Variants in SLC25A25 observed in about 807,000 individuals in gnomAD.
SLC25A25 encodes solute carrier family 25 member 25, also known as mitochondrial adenyl nucleotide antiporter SLC25A25.
Under a neutral mutation model 57.7 loss-of-function variants are expected in SLC25A25, and 32 were observed. That is an observed-to-expected ratio of 0.55 (90% CI 0.42 to 0.74). The LOEUF (loss-of-function observed/expected upper bound fraction) is 0.74, where lower values mean the gene tolerates loss of function less well. Ranked by LOEUF, SLC25A25 falls within the 30% of genes least tolerant of loss-of-function variation. SLC25A25 has a pLI of 0.00. For missense variants in SLC25A25, 556 were observed against 701.3 expected, an observed-to-expected ratio of 0.79 and a Z score of 2.34; for synonymous variants, 306 against 291.2, an observed-to-expected ratio of 1.05 and a Z score of -0.52.
intron 1 of SLC25A25, chr9:128,092,123 G>A: frequency 6.3e-7 from 1 of 1,597,958 alleles, no homozygotes; most frequent in South Asian, 1.1e-5. Flanking sequence ...TCCTAGTTTA[G>A]GGCCTGGTCT....
In SLC25A25 at chr9:128,103,804, A is replaced by C. The variant is rs1465132483; in HGVS notation, c.748A>C (p.Thr250Pro). Reference sequence around the variant, plus strand: ...GGCAGGGGCCGTATCCAGAACCTGCACGGCCCCCCTGGACAGGCTCAAGGT... The same window carrying C: ...GGCAGGGGCCGTATCCAGAACCTGCCCGGCCCCCCTGGACAGGCTCAAGGT... Reference protein sequence around the residue: ...GGAGAVSRTCTAPLDRLKVLM... With the variant: ...GGAGAVSRTCPAPLDRLKVLM... Residue 250 changes from threonine (T) to proline (P), a missense_variant, in exon 6 of 11, where the codon ACG (threonine) becomes CCG (proline). By Grantham distance (38) the Thr-to-Pro change is conservative. Transcript: ENST00000373069. The surrounding 1 kb of genome is among the most constrained non-coding windows in gnomAD (Gnocchi z 6.7). The C allele has an allele frequency of 6.2e-7, 1 of 1,612,010 alleles. No homozygotes were observed. The highest frequency in any genetic ancestry group is 1.1e-5 in the South Asian group (1 of 90,856).
In SLC25A25 at chr9:128,068,277, G is replaced by A; in HGVS notation, c.-43G>A. ...CCCGCGCGGTCACCGCCGGCCCGCC[G>A]CCCCCGCTCCCGCCCGCGCCCGGAG... On this transcript the variant is annotated 5_prime_UTR_variant, in exon 1 of 11. Transcript: ENST00000373069. 2.5e-6 allele frequency: 3 copies of A among 1,190,632 alleles called. No individual in the cohort carries two copies. The highest frequency in any genetic ancestry group is 2.1e-6 in the Non-Finnish European group (2 of 938,754). 73.8% of individuals were successfully genotyped at this position (1,190,632 alleles called of 1,614,324 possible). A position where few individuals can be genotyped will look rare whatever the true frequency, so the allele number is the denominator to read the frequency against.
chr9:128,105,760 T>C lies in SLC25A25; in HGVS notation c.815T>C (p.Ile272Thr), dbSNP rs753817818. 1 of 1,613,806 alleles carries C rather than the reference T, an allele frequency of 6.2e-7. No individual in the cohort carries two copies. Among genetic ancestry groups the C allele is most frequent in the Non-Finnish European group, 8.5e-7 (1 of 1,180,046 alleles). The change falls in exon 7 of 11, where the codon ATC (isoleucine) becomes ACC (threonine). Residue 272 changes from isoleucine (I) to threonine (T), a missense_variant. Around this residue, in one of 3 missense-constraint regions of SLC25A25, gnomAD observed 294 missense variants for 389.6 expected, o/e 0.75. Transcript: ENST00000373069. Reference protein sequence around the residue: ...VHASRSNNMGIVGGFTQMIRE... With the variant: ...VHASRSNNMGTVGGFTQMIRE... ...GCCTCCCGCAGCAACAACATGGGCA[T>C]CGTTGGTGGCTTCACTCAGATGATT...
chr9:128,073,793 GGC>G, intron 1 of SLC25A25, among the ~76,000 whole-genome samples: 1 of 151,306 alleles, frequency 6.6e-6, no homozygotes, highest in East Asian at 1.9e-4. Context: ...GGAGTGCAGT[GGC>G]GTGATCTCAG....
At position 128,107,572 on chromosome 9, in the gene SLC25A25, A is replaced by C; in HGVS notation, c.*128A>C. On this transcript the variant is annotated 3_prime_UTR_variant, in exon 11 of 11. Transcript: ENST00000373069. ...GCCAAGCTGTGAAAACCCTAGACGC[A>C]CCCGCAGGGAGGGTGGGGAGAGCTG... 8.8e-7 allele frequency: 1 copy of C among 1,134,602 alleles called. No homozygotes were observed. Among genetic ancestry groups the C allele is most frequent in the Middle Eastern group, 3.1e-4 (1 of 3,236 alleles). 70.3% of individuals were successfully genotyped at this position (1,134,602 alleles called of 1,614,324 possible).
At position 128,106,179 on chromosome 9, in the gene SLC25A25, G is replaced by A. The variant is rs1834025278; in HGVS notation, c.966G>A (p.Glu322=). ...QIKRLVGSDQ[E]TLRIHERLVA... Reference sequence around the variant, plus strand: ...AGCGCCTTGTTGGTAGTGACCAGGAGACTCTGAGGATTCACGAGAGGCTTG... The same window carrying A: ...AGCGCCTTGTTGGTAGTGACCAGGAAACTCTGAGGATTCACGAGAGGCTTG... Residue 322 remains glutamate (E), a synonymous_variant, in exon 8 of 11, where the codon GAG becomes GAA. Transcript: ENST00000373069. 1 of 1,614,250 alleles carries A rather than the reference G, an allele frequency of 6.2e-7. No homozygotes were observed.
chr9:128,079,645 C>T (rs7851607), intron 1 of SLC25A25, among the ~76,000 whole-genome samples: 25,980 of 138,794 alleles, frequency 0.19, 3,530 homozygotes, highest in African/African-American at 0.36. Flanking sequence ...GGCCTGGTGG[C>T]GCATGCCTGT....
At chr9:128,104,379 C>G (rs1429426084) in intron 6 of SLC25A25, among the ~76,000 whole-genome samples, 1 of 152,184 alleles carries the variant, frequency 6.6e-6, no homozygotes, top group African/African-American at 2.4e-5. Context: ...GTGCCAGGAG[C>G]CCGGCTTGGA....
chr9:128,087,279 CGG>C lies in SLC25A25; in HGVS notation c.262-13816_262-13815del, dbSNP rs748907295. Among the ~76,000 whole-genome samples the C allele has an allele frequency of 8.5e-5, 13 of 152,232 alleles. No individual in the cohort carries two copies. The East Asian group carries it at 1.6e-3, about 18-fold the overall frequency. On this transcript the variant is annotated intron_variant, in intron 1 of 10. Transcript: ENST00000373069. ...TTTTATTGTATTTTATTTTTTGAGA[CGG>C]AGTCTCACTCTGTCGCCCAGTCTGG...
intron 1 of SLC25A25, among the ~76,000 whole-genome samples, chr9:128,088,610 A>G (rs1833330563): frequency 6.6e-6 from 1 of 152,128 alleles, no homozygotes; most frequent in Admixed American, 6.5e-5. Flanking sequence ...GTTTGTATAC[A>G]TTGTATACAT....
Position 128,107,447 on chromosome 9 carries a change from G to C in SLC25A25, c.*3G>C. 2 of 1,505,880 alleles carry C rather than the reference G, an allele frequency of 1.3e-6. No homozygotes were observed. The highest frequency in any genetic ancestry group is 8.9e-7 in the Non-Finnish European group (1 of 1,126,690). 93.3% of individuals were successfully genotyped at this position (1,505,880 alleles called of 1,614,324 possible). A position where few individuals can be genotyped will look rare whatever the true frequency, so the allele number is the denominator to read the frequency against. On this transcript the variant is annotated 3_prime_UTR_variant, in exon 11 of 11. Transcript: ENST00000373069. ...CCCTGGGCGTGCAGTCGCGGTGACG[G>C]GGGGAGGGCCGCCCGGCAGTGGACT...
intron 1 of SLC25A25, among the ~76,000 whole-genome samples, chr9:128,088,656 C>T (rs970124751): frequency 3.3e-5 from 5 of 152,160 alleles, no homozygotes; most frequent in Admixed American, 2.0e-4. Context: ...TGTTGTCCAG[C>T]GGCTGGGAAA....
rs751498139 is a variant in SLC25A25, at chr9:128,101,393, A to G, written c.473A>G (p.Lys158Arg). 82 of 1,614,064 alleles carry G rather than the reference A, an allele frequency of 5.1e-5. No individual in the cohort carries two copies. The highest frequency in any genetic ancestry group is 6.6e-5 in the Non-Finnish European group (78 of 1,180,044). The change falls in exon 3 of 11, where the codon AAG (lysine) becomes AGG (arginine). Residue 158 changes from lysine (K) to arginine (R), a missense_variant. Physicochemically the swap from Lys to Arg is conservative, Grantham distance 26. Coordinates refer to ENST00000373069, the MANE Select transcript of SLC25A25 (RefSeq NM_001330988.2). The surrounding 1 kb of genome is among the most constrained non-coding windows in gnomAD (Gnocchi z 4.9). ...GAACAGCAGGCAGAAAAAATTCTCA[A>G]GAGGTGAGTGCTCAGCCAGCCTCTG... is the stretch of plus-strand genomic sequence containing the variant. The part of the protein sequence containing the change: ...ISEQQAEKIL[K>R]RIRTGHFWGP...
At chr9:128,106,291 G>A in intron 8 of SLC25A25, 34 bp downstream of exon 8, 3 of 1,614,064 alleles carry the variant, frequency 1.9e-6, no homozygotes, top group South Asian at 2.2e-5. Flanking sequence ...GGCGGGCAGT[G>A]GGCACAGGAC....
intron 1 of SLC25A25, among the ~76,000 whole-genome samples, chr9:128,084,286 A>G (rs1447284273): frequency 6.9e-6 from 1 of 145,066 alleles, no homozygotes; most frequent in African/African-American, 2.6e-5. Context: ...TTTTTGATAC[A>G]GTCTCACTCT....
chr9:128,100,141 T>C (rs1408602464), intron 1 of SLC25A25, among the ~76,000 whole-genome samples: 3 of 152,174 alleles, frequency 2.0e-5, no homozygotes, highest in Non-Finnish European at 2.9e-5. Context: ...AACTCCTGTT[T>C]CCTTCTCTGT....
intron 1 of SLC25A25, chr9:128,092,013 A>G: frequency 6.2e-7 from 1 of 1,614,006 alleles, no homozygotes; most frequent in African/African-American, 1.3e-5. Context: ...TTGGGGAAAC[A>G]GGACGGAAGG....
rs1453391319 is a variant in SLC25A25 at position 128,099,299 on chromosome 9, T to G, written c.262-1797T>G. On this transcript the variant is annotated intron_variant, in intron 1 of 10. Coordinates refer to ENST00000373069, the MANE Select transcript of SLC25A25 (RefSeq NM_001330988.2). The surrounding 1 kb of genome is among the most constrained non-coding windows in gnomAD (Gnocchi z 6.8). ...GTGCCCACTGTGCACCAAGGGGGAT[T>G]TGCAGATCCAAGGAAGGAGACAGAA... 1.6e-6 allele frequency: 2 copies of G among 1,280,790 alleles called. No homozygotes were observed. Among genetic ancestry groups the G allele is most frequent in the Non-Finnish European group, 2.0e-6 (2 of 985,748 alleles). 79.3% of individuals were successfully genotyped at this position (1,280,790 alleles called of 1,614,324 possible).
intron 1 of SLC25A25, among the ~76,000 whole-genome samples, chr9:128,072,669 G>A (rs114824644): frequency 0.017 from 2,522 of 152,254 alleles, 64 homozygotes; most frequent in African/African-American, 0.052. Flanking sequence ...TTTGTAAAGG[G>A]CATGTAAGCG....
Sources: allele counts gnomAD v4.1 joint callset (sites outside exome capture counted in the v4.1 genomes callset), GRCh38; gene constraint gnomAD v4.1.1; regional missense constraint gnomAD v4.1.1; non-coding constraint Gnocchi (gnomAD v3.1); transcripts MANE v1.5; gene names NCBI Gene and HGNC (gene_info 2026-07-23, HGNC 2026-07-21).